FHIT: variants seen among roughly 807,000 people sequenced by gnomAD.
FHIT encodes the protein fragile histidine triad diadenosine triphosphatase.
FHIT carries 19 observed loss-of-function variants against 17.9 expected under a neutral mutation model. The observed-to-expected ratio is 1.06, with a 90% CI of 0.74 to 1.56. The LOEUF (loss-of-function observed/expected upper bound fraction) is 1.56. Among genes scored for constraint, FHIT ranks in the 40% most tolerant of loss-of-function variants. The probability of loss-of-function intolerance (pLI) is 0.00; values close to 1 mark genes in which losing one functional copy is unlikely to be tolerated. For synonymous variants in FHIT, 81 were observed against 69.7 expected, an observed-to-expected ratio of 1.16 and a Z score of -0.81; for missense variants, 248 against 189.2, an observed-to-expected ratio of 1.31 and a Z score of -1.82.
At chr3:60,037,090 C>G (rs145149031) in intron 5 of FHIT, among the ~76,000 whole-genome samples, 1 of 152,166 alleles carries the variant, frequency 6.6e-6, no homozygotes, top group Non-Finnish European at 1.5e-5. Context: ...CACGGTCCGA[C>G]GTTAAGACAT....
chr3:59,855,907 A>G (rs1055670305), intron 8 of FHIT, among the ~76,000 whole-genome samples: 1 of 151,192 alleles, frequency 6.6e-6, no homozygotes, highest in African/African-American at 2.4e-5. Context: ...CAGCCTCCCA[A>G]GTAGCTGGGA....
chr3:59,939,774 G>C (rs72875122), intron 7 of FHIT, among the ~76,000 whole-genome samples: 3,185 of 152,172 alleles, frequency 0.021, 110 homozygotes, highest in African/African-American at 0.071. Flanking sequence ...TATAAAATTT[G>C]GGTATCAAGT....
intron 8 of FHIT, among the ~76,000 whole-genome samples, chr3:59,853,692 A>C (rs762673135): frequency 6.6e-6 from 1 of 151,972 alleles, no homozygotes; most frequent in Non-Finnish European, 1.5e-5. Flanking sequence ...GTGGGTGTGC[A>C]TGTGTGTGTG....
Position 61,036,901 on chromosome 3 carries a change from G to GTTTT in FHIT, c.-111+5142_-111+5145dup, listed in dbSNP as rs746649804. ...TTCACCTCAAAGATCAGTCTGCTTT[G>GTTTT]TTTTTTTTTTTTGTTTGTTTGTTTT... On this transcript the variant is annotated intron_variant, in intron 3 of 9. Transcript: ENST00000492590. Among the ~76,000 whole-genome samples, 183 of 70,262 alleles carry GTTTT rather than the reference G, an allele frequency of 2.6e-3. 4 individuals are homozygous for GTTTT. The highest frequency in any genetic ancestry group is 7.2e-3 in the Middle Eastern group (1 of 138). 46.1% of individuals were successfully genotyped at this position (70,262 alleles called of 152,430 possible).
chr3:59,872,858 C>G (rs1365225769), intron 8 of FHIT, among the ~76,000 whole-genome samples: 1 of 152,152 alleles, frequency 6.6e-6, no homozygotes, highest in African/African-American at 2.4e-5. Flanking sequence ...TTGTTGGGGG[C>G]TCCAACTTGT....
intron 7 of FHIT, among the ~76,000 whole-genome samples, chr3:60,005,183 GA>G (rs571486684): frequency 1.1e-4 from 16 of 152,236 alleles, no homozygotes; most frequent in Admixed American, 2.0e-4. Context: ...AGCTGCCTTT[GA>G]GTTTGAATGA....
rs213331 is a variant in FHIT at position 60,264,937 on chromosome 3, C to G, written c.104-250785G>C. ...CACAGATTTTCTTTATATCCTTATA[C>G]GTATTGTCTCTATGTCTGCGCTTTA... On this transcript the variant is annotated intron_variant, in intron 5 of 9. Transcript: ENST00000492590. Among the ~76,000 whole-genome samples the G allele has an allele frequency of 2.6e-5, 4 of 151,922 alleles. No individual in the cohort carries two copies. In the East Asian group the frequency reaches 7.8e-4, roughly 29 times the overall value.
intron 8 of FHIT, among the ~76,000 whole-genome samples, chr3:59,864,739 G>A (rs1321492355): frequency 6.6e-6 from 1 of 151,016 alleles, no homozygotes; most frequent in African/African-American, 2.4e-5. Flanking sequence ...CCTCTAAGAA[G>A]CAATGCTTTT....
At chr3:60,529,373 T>C (rs2035687873) in intron 5 of FHIT, among the ~76,000 whole-genome samples, 1 of 152,212 alleles carries the variant, frequency 6.6e-6, no homozygotes, top group African/African-American at 2.4e-5. Context: ...TCCACGTATA[T>C]GTACTCAGTA....
At chr3:61,204,558 TA>T (rs2039144659) in intron 1 of FHIT, among the ~76,000 whole-genome samples, 1 of 152,090 alleles carries the variant, frequency 6.6e-6, no homozygotes, top group South Asian at 2.1e-4. Context: ...GAATAGAATA[TA>T]AAAAAGAAAA....
At chr3:60,427,409 C>T (rs918698697) in intron 5 of FHIT, among the ~76,000 whole-genome samples, 3 of 152,130 alleles carry the variant, frequency 2.0e-5, no homozygotes, top group Non-Finnish European at 2.9e-5. Context: ...TGATTTCAGC[C>T]TTCCAGGACC....
intron 5 of FHIT, among the ~76,000 whole-genome samples, chr3:60,394,822 A>T (rs1701370305): frequency 6.6e-6 from 1 of 152,152 alleles, no homozygotes; most frequent in African/African-American, 2.4e-5. Context: ...CACTTAAAAA[A>T]CTGCATTAAG....
At chr3:60,867,320 T>C (rs1553754065) in intron 3 of FHIT, among the ~76,000 whole-genome samples, 3 of 152,270 alleles carry the variant, frequency 2.0e-5, no homozygotes, top group African/African-American at 4.8e-5. Flanking sequence ...TAAGCAAATA[T>C]AGGAGACATC....
Position 60,082,976 on chromosome 3 carries a change from C to T in FHIT, c.104-68824G>A, listed in dbSNP as rs540469526. ...TGTGCTCAAGCTCTTCGATTAGGCC[C>T]TACTTGTTAAATTGTGTTTATGTTA... On this transcript the variant is annotated intron_variant, in intron 5 of 9. Coordinates refer to ENST00000492590, the MANE Select transcript of FHIT (RefSeq NM_002012.4). Among the ~76,000 whole-genome samples the T allele has an allele frequency of 3.4e-4, 51 of 152,064 alleles. 1 individual carries two copies. In the South Asian group the frequency reaches 0.01, roughly 30 times the overall value.
chr3:60,817,171 T>C (rs1197231028), intron 4 of FHIT, among the ~76,000 whole-genome samples: 2 of 152,076 alleles, frequency 1.3e-5, no homozygotes, highest in Non-Finnish European at 2.9e-5. Flanking sequence ...CCATTCTTTA[T>C]GCTATAAAGT....
At chr3:60,224,919 C>T (rs578141394) in intron 5 of FHIT, among the ~76,000 whole-genome samples, 3 of 151,942 alleles carry the variant, frequency 2.0e-5, no homozygotes, top group African/African-American at 7.2e-5. Context: ...CGGGGTTTCA[C>T]CATTTTGGCC....
intron 1 of FHIT, among the ~76,000 whole-genome samples, chr3:61,204,946 G>C (rs2039165736): frequency 1.3e-5 from 2 of 151,598 alleles, no homozygotes; most frequent in African/African-American, 4.9e-5. Flanking sequence ...CTAGCATTAG[G>C]TATATCTCCT....
At chr3:60,282,748 A>T (rs1346952223) in intron 5 of FHIT, among the ~76,000 whole-genome samples, 2 of 152,162 alleles carry the variant, frequency 1.3e-5, no homozygotes, top group Non-Finnish European at 2.9e-5. Flanking sequence ...TTTTTCTGAA[A>T]ATCTAAAGCT....
intron 5 of FHIT, among the ~76,000 whole-genome samples, chr3:60,180,919 A>G (rs1701901587): frequency 6.6e-6 from 1 of 152,102 alleles, no homozygotes; most frequent in South Asian, 2.1e-4. Context: ...TTTTAAACAA[A>G]CTAAGTAAGC....
Sources: gnomAD v4.1 joint callset for allele counts (sites outside exome capture counted in the v4.1 genomes callset) on GRCh38, gnomAD v4.1.1 for gene constraint, MANE v1.5 for transcripts, NCBI Gene and HGNC (gene_info 2026-07-23, HGNC 2026-07-21) for gene names.